DENND5B: variants seen among roughly 807,000 people sequenced by gnomAD.
DENND5B encodes the protein DENN domain-containing protein 5B.
A neutral mutation model predicts 140.6 loss-of-function variants in DENND5B; 34 were observed. The observed-to-expected ratio is 0.24, with a 90% CI of 0.18 to 0.32. The LOEUF (loss-of-function observed/expected upper bound fraction) is 0.32, where lower values mean the gene tolerates loss of function less well. Ranked by LOEUF, DENND5B falls within the 10% of genes least tolerant of loss-of-function variation. DENND5B has a pLI of 1.00. For missense variants in DENND5B, 1,142 were observed against 1,560.2 expected (o/e 0.73, Z 4.52); for synonymous variants, 551 against 562.1 (o/e 0.98, Z 0.28).
At chr12:31,410,393 ATTAT>A (rs959844507) in intron 13 of DENND5B, among the ~76,000 whole-genome samples, 4 of 151,926 alleles carry the variant, frequency 2.6e-5, no homozygotes, top group African/African-American at 4.8e-5. Context: ...GTGCCTTTTT[ATTAT>A]TTATTTATTT....
chr12:31,512,929 TA>T (rs1947484095), intron 1 of DENND5B, among the ~76,000 whole-genome samples: 1 of 152,228 alleles, frequency 6.6e-6, no homozygotes, highest in African/African-American at 2.4e-5. Context: ...AGCGAAAGTC[TA>T]AACTTTATCT....
intron 1 of DENND5B, among the ~76,000 whole-genome samples, chr12:31,546,991 G>T (rs1948886120): frequency 6.6e-6 from 1 of 152,178 alleles, no homozygotes; most frequent in Non-Finnish European, 1.5e-5. Flanking sequence ...CACACATGGG[G>T]AATGACAGTT....
At chr12:31,556,298 G>T (rs940823796) in intron 1 of DENND5B, among the ~76,000 whole-genome samples, 18 of 152,202 alleles carry the variant, frequency 1.2e-4, no homozygotes, top group Admixed American at 1.1e-3. Flanking sequence ...TCCGCCTCCT[G>T]GGTTCAAACA....
At chr12:31,527,584 C>T (rs1194153932) in intron 1 of DENND5B, among the ~76,000 whole-genome samples, 1 of 152,134 alleles carries the variant, frequency 6.6e-6, no homozygotes, top group Admixed American at 6.5e-5. Context: ...TCGAGACCAG[C>T]CTGGCCAACA....
intron 17 of DENND5B, among the ~76,000 whole-genome samples, chr12:31,393,969 C>A (rs1209452705): frequency 6.6e-6 from 1 of 152,112 alleles, no homozygotes; most frequent in Non-Finnish European, 1.5e-5. Flanking sequence ...GGATTACAGG[C>A]GTAAGCCACC....
intron 1 of DENND5B, among the ~76,000 whole-genome samples, chr12:31,569,317 C>A (rs138062820): frequency 6.6e-6 from 1 of 152,258 alleles, no homozygotes; most frequent in African/African-American, 2.4e-5. Flanking sequence ...AATTCACCTG[C>A]CTCCCAAAGT....
intron 1 of DENND5B, among the ~76,000 whole-genome samples, chr12:31,554,007 C>G (rs1010048818): frequency 2.6e-5 from 4 of 152,174 alleles, no homozygotes; most frequent in South Asian, 4.1e-4. Flanking sequence ...TGGGTCTTGA[C>G]TCTTTATCCA....
chr12:31,553,151 T>C (rs1267687), intron 1 of DENND5B, among the ~76,000 whole-genome samples: 316 of 152,304 alleles, frequency 2.1e-3, no homozygotes, highest in African/African-American at 7.3e-3. Flanking sequence ...TTAATTGTGA[T>C]GTTAGGGTGT....
chr12:31,577,071 A>T (rs1396885726), intron 1 of DENND5B, among the ~76,000 whole-genome samples: 1 of 152,102 alleles, frequency 6.6e-6, no homozygotes, highest in Non-Finnish European at 1.5e-5. Context: ...TGATCTTTGA[A>T]GAAGGGATTA....
intron 7 of DENND5B, among the ~76,000 whole-genome samples, chr12:31,434,771 G>A (rs1049667281): frequency 4.6e-5 from 7 of 152,076 alleles, no homozygotes; most frequent in East Asian, 3.9e-4. Flanking sequence ...TTCTGGGGTC[G>A]TCTAACATGC....
At position 31,392,667 on chromosome 12, in the gene DENND5B, T is replaced by C. The variant is rs1174289238; in HGVS notation, c.3286A>G (p.Ile1096Val). The C allele has an allele frequency of 2.6e-6, 4 of 1,557,960 alleles. No individual in the cohort carries two copies. Among genetic ancestry groups the C allele is most frequent in the Non-Finnish European group, 3.5e-6 (4 of 1,149,702 alleles). ...KPNAGQIQEG[I>V]GEAVNNIVKH... ...ACAATATTGTTCACAGCTTCTCCAA[T>C]TCCTTCTTGTATCTGCCCAGCATTG... The change falls in exon 18 of 21, where the codon ATT (isoleucine) becomes GTT (valine). Residue 1096 changes from isoleucine to valine, a missense_variant. Ile to Val is a conservative substitution (Grantham distance 29). Transcript: ENST00000389082.
chr12:31,428,488 G>A (rs561321680), intron 8 of DENND5B, among the ~76,000 whole-genome samples: 1 of 151,482 alleles, frequency 6.6e-6, no homozygotes, highest in South Asian at 2.1e-4. Context: ...TGCTACCTCT[G>A]CCTCCCAGGT....
At chr12:31,507,056 G>A (rs748360010) in intron 1 of DENND5B, among the ~76,000 whole-genome samples, 2 of 152,158 alleles carry the variant, frequency 1.3e-5, no homozygotes, top group Admixed American at 6.5e-5. Context: ...CAGAGACAGC[G>A]CCTATCCTGA....
intron 2 of DENND5B, among the ~76,000 whole-genome samples, chr12:31,485,733 T>A (rs1266223306): frequency 1.2e-5 from 1 of 82,342 alleles, no homozygotes; most frequent in African/African-American, 5.6e-5. Context: ...ACAGCTTCCA[T>A]CTCCTCTCTC....
intron 1 of DENND5B, among the ~76,000 whole-genome samples, chr12:31,520,057 A>G (rs927899153): frequency 6.6e-5 from 10 of 152,330 alleles, no homozygotes; most frequent in Admixed American, 6.5e-4. Flanking sequence ...TATAGTGTTT[A>G]GGCAATAAAT....
chr12:31,590,927 C>T lies in DENND5B; in HGVS notation c.-95G>A, dbSNP rs2139566870. Reference sequence around the variant, plus strand: ...CCGCTCCGGCTGTGGTCTGTGCGCCCGCCCTAGGGCGACACTGGCGCGCCC... The same window carrying T: ...CCGCTCCGGCTGTGGTCTGTGCGCCTGCCCTAGGGCGACACTGGCGCGCCC... On this transcript the variant is annotated 5_prime_UTR_variant, in exon 1 of 21. Coordinates refer to ENST00000389082, the MANE Select transcript of DENND5B (RefSeq NM_144973.4). The T allele has an allele frequency of 8.9e-7, 1 of 1,128,756 alleles. No individual in the cohort carries two copies. The highest frequency in any genetic ancestry group is 1.1e-6 in the Non-Finnish European group (1 of 921,210). 69.9% of individuals were successfully genotyped at this position (1,128,756 alleles called of 1,614,324 possible). A position where few individuals can be genotyped will look rare whatever the true frequency, so the allele number is the denominator to read the frequency against.
chr12:31,428,612 G>A (rs1943356805), intron 8 of DENND5B, among the ~76,000 whole-genome samples: 1 of 151,858 alleles, frequency 6.6e-6, no homozygotes, highest in Non-Finnish European at 1.5e-5. Flanking sequence ...CTGTCACCCA[G>A]GCTGGAGTGC....
chr12:31,521,070 C>G, intron 1 of DENND5B, among the ~76,000 whole-genome samples: 1 of 151,534 alleles, frequency 6.6e-6, no homozygotes, highest in Non-Finnish European at 1.5e-5. Context: ...GCTCCCATAT[C>G]AAGCAGCACA....
chr12:31,543,118 G>A (rs1256790125), intron 1 of DENND5B, among the ~76,000 whole-genome samples: 1 of 152,148 alleles, frequency 6.6e-6, no homozygotes, highest in Non-Finnish European at 1.5e-5. Context: ...TAAGGCAGGA[G>A]GATCCCTTGA....
Sources: allele counts gnomAD v4.1 joint callset (sites outside exome capture counted in the v4.1 genomes callset), GRCh38; gene constraint gnomAD v4.1.1; transcripts MANE v1.5; gene names NCBI Gene and HGNC (gene_info 2026-07-23, HGNC 2026-07-21).